ZNF583: variants seen among roughly 807,000 people sequenced by gnomAD.
ZNF583 encodes zinc finger protein L3-5.
In ZNF583, 30 loss-of-function variants were observed where a neutral mutation model predicts 55.3. That is an observed-to-expected ratio of 0.54 (90% confidence interval 0.41 to 0.74). The LOEUF (loss-of-function observed/expected upper bound fraction) is 0.74, where lower values mean the gene tolerates loss of function less well. ZNF583 is among the 30% of genes least tolerant of loss of function. The pLI, the probability that ZNF583 is intolerant of heterozygous loss-of-function variation, is 0.00. For synonymous variants in ZNF583, 208 were observed against 220.0 expected (o/e 0.95, Z 0.48); for missense variants, 504 against 664.7 (o/e 0.76, Z 2.66).
intron 2 of ZNF583, among the ~76,000 whole-genome samples, chr19:56,411,103 A>G (rs2042231139): frequency 6.6e-6 from 1 of 150,758 alleles, no homozygotes; most frequent in African/African-American, 2.4e-5. Flanking sequence ...CCTGGGCAAC[A>G]TAGTGAGACA....
At chr19:56,413,028 C>T (rs35400304) in intron 2 of ZNF583, among the ~76,000 whole-genome samples, 32,367 of 152,094 alleles carry the variant, frequency 0.21, 3,717 homozygotes, top group Middle Eastern at 0.31. Flanking sequence ...TGCACCACCA[C>T]ACCTGGCCTG....
At chr19:56,422,203 C>G (rs962031709) in intron 4 of ZNF583, among the ~76,000 whole-genome samples, 1 of 152,096 alleles carries the variant, frequency 6.6e-6, no homozygotes, top group African/African-American at 2.4e-5. Context: ...ACAGGAAAAT[C>G]TTAAGCAGAA....
At position 56,425,996 on chromosome 19, in the gene ZNF583, T is replaced by G. The variant is rs890060189; in HGVS notation, c.*1628T>G. 30 of 152,306 alleles carry G rather than the reference T, an allele frequency of 2.0e-4. No individual in the cohort carries two copies. The highest frequency in any genetic ancestry group is 7.2e-4 in the African/African-American group (30 of 41,570). 9.4% of individuals were successfully genotyped at this position (152,306 alleles called of 1,614,324 possible). ...CATGTGACTATAGATACAAACAGAA[T>G]GACGAAAGTTTAATGGAGGATGAAA... On this transcript the variant is annotated 3_prime_UTR_variant, in exon 5 of 5. Transcript: ENST00000333201.
At chr19:56,412,807 A>G (rs1160699359) in intron 2 of ZNF583, among the ~76,000 whole-genome samples, 1 of 152,176 alleles carries the variant, frequency 6.6e-6, no homozygotes, top group African/African-American at 2.4e-5. Flanking sequence ...ATTTATTGTA[A>G]TATCACTCTT....
chr19:56,406,685 C>T (rs1238884331), intron 1 of ZNF583, among the ~76,000 whole-genome samples: 1 of 151,996 alleles, frequency 6.6e-6, no homozygotes, highest in African/African-American at 2.4e-5. Flanking sequence ...CGCCACCACA[C>T]CTGGCTAATT....
In ZNF583 at chr19:56,414,132, T is replaced by G. The variant is rs1410513112; in HGVS notation, c.136+47T>G. 4.5e-6 allele frequency: 7 copies of G among 1,553,510 alleles called. No homozygotes were observed. The Admixed American group carries it at 1.2e-4, about 26-fold the overall frequency. The stretch of plus-strand genomic sequence containing the variant: ...TCAGAATCTGTACATGGGACTGAGC[T>G]CCAATGTAATATTTGGGAAACCTCT... On this transcript the variant is annotated intron_variant, in intron 3 of 4. Coordinates refer to ENST00000333201, the MANE Select transcript of ZNF583 (RefSeq NM_152478.3).
In ZNF583 at chr19:56,424,580, C is replaced by T. The variant is rs2042475361; in HGVS notation, c.*212C>T. The stretch of plus-strand genomic sequence containing the variant: ...CTCCCTCATTAAAATCCCTCAGTGG[C>T]ATCCCATGGTTTTTAAGTTAAAGCA... On this transcript the variant is annotated 3_prime_UTR_variant, in exon 5 of 5. Coordinates refer to ENST00000333201, the MANE Select transcript of ZNF583 (RefSeq NM_152478.3). 1 of 484,980 alleles carries T rather than the reference C, an allele frequency of 2.1e-6. No individual in the cohort carries two copies. The allele number at this position is 484,980 out of a possible 1,614,324, so 30.0% of individuals were successfully genotyped here. A position where few individuals can be genotyped will look rare whatever the true frequency, so the allele number is the denominator to read the frequency against.
upstream of ZNF583, chr19:56,404,105 CGGGTG>C (rs2042106164): frequency 6.6e-6 from 1 of 151,230 alleles, no homozygotes; most frequent in Non-Finnish European, 1.5e-5. The surrounding 1 kb of genome is among the most constrained non-coding windows in gnomAD (Gnocchi z 5.2). Flanking sequence ...ACGGGTGGAA[CGGGTG>C]GGGGAGCGGA....
intron 2 of ZNF583, among the ~76,000 whole-genome samples, chr19:56,408,311 C>G (rs912812608): frequency 6.6e-6 from 1 of 152,136 alleles, no homozygotes; most frequent in African/African-American, 2.4e-5. Flanking sequence ...ACAGCACTGT[C>G]CAATAGAACT....
In ZNF583 at chr19:56,406,800, T is replaced by C. The variant is rs186010340; in HGVS notation, c.-89-226T>C. ...CCTCGGCCTCCCAAAGTGCTGGGAT[T>C]ACAGGCGTGAGCCACCGCGCCTGGC... On this transcript the variant is annotated intron_variant, in intron 1 of 4. Coordinates refer to ENST00000333201, the MANE Select transcript of ZNF583 (RefSeq NM_152478.3). 6.1e-3 allele frequency among the ~76,000 whole-genome samples: 929 copies of C among 152,134 alleles called. 13 individuals are homozygous for C. The highest frequency in any genetic ancestry group is 0.021 in the African/African-American group (872 of 41,532).
intron 1 of ZNF583, among the ~76,000 whole-genome samples, chr19:56,406,735 G>T (rs1265070768): frequency 6.6e-6 from 1 of 152,020 alleles, no homozygotes; most frequent in Non-Finnish European, 1.5e-5. Context: ...CCCCGTGTTA[G>T]CCAGGATGGT....
chr19:56,423,348 T>C lies in ZNF583; in HGVS notation c.690T>C (p.His230=), dbSNP rs1337101365. Residue 230 remains histidine (H), a synonymous_variant, in exon 5 of 5, where the codon CAT becomes CAC. Transcript: ENST00000333201. ...VFNQSSSLTL[H]QRIHTGEKPY... is the part of the protein sequence containing the mutation. ...ACCAGAGCTCATCCCTTACTCTTCATCAGAGAATTCATACTGGAGAGAAAC... is the reference window on the plus strand; with the variant it reads ...ACCAGAGCTCATCCCTTACTCTTCACCAGAGAATTCATACTGGAGAGAAAC... 2 of 1,614,034 alleles carry C rather than the reference T, an allele frequency of 1.2e-6. No homozygotes were observed. The highest frequency in any genetic ancestry group is 1.7e-5 in the Admixed American group (1 of 59,998).
At chr19:56,410,995 C>G (rs2147564627) in intron 2 of ZNF583, among the ~76,000 whole-genome samples, 1 of 151,924 alleles carries the variant, frequency 6.6e-6, no homozygotes, top group East Asian at 1.9e-4. Flanking sequence ...AAAAAATTGG[C>G]TGGGTGAGGT....
intron 2 of ZNF583, among the ~76,000 whole-genome samples, chr19:56,411,275 A>G (rs183880651): frequency 2.0e-3 from 311 of 152,296 alleles, no homozygotes; most frequent in African/African-American, 6.1e-3. Context: ...TTGGCGACAG[A>G]GCAAGATCCG....
Position 56,427,031 on chromosome 19 carries a change from G to T in ZNF583, c.*2663G>T, listed in dbSNP as rs116224257. The T allele has an allele frequency of 1.3e-5, 2 of 151,950 alleles. No individual in the cohort carries two copies. The highest frequency in any genetic ancestry group is 2.9e-5 in the Non-Finnish European group (2 of 68,012). 9.4% of individuals were successfully genotyped at this position (151,950 alleles called of 1,614,324 possible). A position where few individuals can be genotyped will look rare whatever the true frequency, so the allele number is the denominator to read the frequency against. Reference sequence around the variant, plus strand: ...GTGTTCATGAATTGTAGCAGAAGATGCTGCATGTTATATGCGAATGACCGA... The same window carrying T: ...GTGTTCATGAATTGTAGCAGAAGATTCTGCATGTTATATGCGAATGACCGA... On this transcript the variant is annotated 3_prime_UTR_variant, in exon 5 of 5. Transcript: ENST00000333201.
Position 56,419,333 on chromosome 19 carries a change from C to G in ZNF583, c.233-3558C>G, listed in dbSNP as rs539973581. Among the ~76,000 whole-genome samples, 7 of 151,688 alleles carry G rather than the reference C, an allele frequency of 4.6e-5. No homozygotes were observed. In the East Asian group the frequency reaches 1.4e-3, roughly 29 times the overall value. On this transcript the variant is annotated intron_variant, in intron 4 of 4. Coordinates refer to ENST00000333201, the MANE Select transcript of ZNF583 (RefSeq NM_152478.3). ...GCCTCAGCCTCCCGAGTAGCTAGGA[C>G]TACAGGCATGCGCCACCATGCCCAG...
intron 4 of ZNF583, among the ~76,000 whole-genome samples, chr19:56,420,288 T>C (rs939892800): frequency 1.3e-5 from 2 of 152,184 alleles, no homozygotes; most frequent in Non-Finnish European, 2.9e-5. Flanking sequence ...TTAGAGAGCA[T>C]ACTCATCTTG....
At chr19:56,414,308 A>G in intron 3 of ZNF583, 37 bp from the exon 4 acceptor site, 1 of 1,602,392 alleles carries the variant, frequency 6.2e-7, no homozygotes, top group Non-Finnish European at 8.6e-7. Context: ...TCTTATTTAT[A>G]GACCTGCCTA....
At chr19:56,413,905 C>T in intron 2 of ZNF583, 54 bp from the exon 3 acceptor site, 1 of 1,607,154 alleles carries the variant, frequency 6.2e-7, no homozygotes, top group Non-Finnish European at 8.5e-7. Flanking sequence ...TTAACTTAGG[C>T]TCATGTGAGG....
Sources: gnomAD v4.1 joint callset for allele counts (sites outside exome capture counted in the v4.1 genomes callset) on GRCh38, gnomAD v4.1.1 for gene constraint, Gnocchi (gnomAD v3.1) non-coding constraint, MANE v1.5 for transcripts, NCBI Gene and HGNC (gene_info 2026-07-23, HGNC 2026-07-21) for gene names.